The following LARS2 variants were observed in gnomAD, a reference collection of about 807,000 sequenced individuals.
The protein encoded by LARS2 is leucine--tRNA ligase, mitochondrial.
Under a neutral mutation model 116.6 loss-of-function variants are expected in LARS2, and 81 were observed. The observed-to-expected ratio is 0.69, with a 90% CI of 0.58 to 0.84. The LOEUF (loss-of-function observed/expected upper bound fraction) is 0.84, where lower values mean the gene tolerates loss of function less well. Among genes scored for constraint, LARS2 ranks in the 40% least tolerant of loss-of-function variants. The pLI is 0.00. For synonymous variants in LARS2, 396 were observed against 407.2 expected, an observed-to-expected ratio of 0.97 and a Z score of 0.33; for missense variants, 968 against 1,114.5, an observed-to-expected ratio of 0.87 and a Z score of 1.87.
chr3:45,508,176 A>G (rs1304135200), intron 15 of LARS2, among the ~76,000 whole-genome samples: 1 of 152,056 alleles, frequency 6.6e-6, no homozygotes, highest in Non-Finnish European at 1.5e-5. Context: ...TGGAATCAAC[A>G]GAAAGTGGTG....
chr3:45,447,454 C>T lies in LARS2; in HGVS notation c.606+474C>T, dbSNP rs142838440. On this transcript the variant is annotated intron_variant, in intron 7 of 21. Coordinates refer to ENST00000645846, the MANE Select transcript of LARS2 (RefSeq NM_015340.4). ...GGACCTTTAAGAAGTGAGTGGGTCA[C>T]GACAGCCCTGTCCTAATAAATGGAT... is the stretch of plus-strand genomic sequence containing the variant. 3.0e-3 allele frequency among the ~76,000 whole-genome samples: 451 copies of T among 152,240 alleles called. 1 individual carries two copies. Among genetic ancestry groups the T allele is most frequent in the African/African-American group, 0.01 (426 of 41,552 alleles).
intron 20 of LARS2, among the ~76,000 whole-genome samples, chr3:45,527,787 T>G (rs1316181480): frequency 6.6e-6 from 1 of 152,252 alleles, no homozygotes; most frequent in Non-Finnish European, 1.5e-5. Flanking sequence ...GACAAAATTA[T>G]GACATGGTCT....
intron 4 of LARS2, among the ~76,000 whole-genome samples, chr3:45,405,078 G>A (rs1033451167): frequency 6.6e-6 from 1 of 151,824 alleles, no homozygotes; most frequent in Non-Finnish European, 1.5e-5. Flanking sequence ...GGCAGGGAAG[G>A]TCTTTCTAAC....
chr3:45,541,749 G>A, intron 20 of LARS2, 80 bp from the exon 21 acceptor site: 1 of 1,547,052 alleles, frequency 6.5e-7, no homozygotes, highest in Non-Finnish European at 8.8e-7. Flanking sequence ...AGGCTGTGTT[G>A]GGATGGAAGC....
chr3:45,485,832 T>C lies in LARS2; in HGVS notation c.1123+36T>C, dbSNP rs750589529. 8 of 1,343,932 alleles carry C rather than the reference T, an allele frequency of 6.0e-6. No homozygotes were observed. The African/African-American group carries it at 8.6e-5, about 14-fold the overall frequency. 83.3% of individuals were successfully genotyped at this position (1,343,932 alleles called of 1,614,324 possible). A position where few individuals can be genotyped will look rare whatever the true frequency, so the allele number is the denominator to read the frequency against. ...ATTAAAATGTAACCACAACGGTATA[T>C]TTTGCAGATTTAGAATCAAAATACT... On this transcript the variant is annotated intron_variant, in intron 11 of 21. Coordinates refer to ENST00000645846, the MANE Select transcript of LARS2 (RefSeq NM_015340.4).
intron 15 of LARS2, among the ~76,000 whole-genome samples, chr3:45,508,238 G>A (rs1028332691): frequency 3.3e-5 from 5 of 152,178 alleles, no homozygotes; most frequent in African/African-American, 9.6e-5. Flanking sequence ...AGGGCAGGCC[G>A]CCTGCTGACC....
intron 18 of LARS2, among the ~76,000 whole-genome samples, chr3:45,519,380 A>G (rs916809513): frequency 1.3e-5 from 2 of 150,092 alleles, no homozygotes; most frequent in African/African-American, 4.9e-5. Flanking sequence ...AATCCCAGCT[A>G]CTCGGGAGGC....
At chr3:45,458,250 T>G (rs1418263784) in intron 7 of LARS2, among the ~76,000 whole-genome samples, 1 of 152,148 alleles carries the variant, frequency 6.6e-6, no homozygotes, top group Non-Finnish European at 1.5e-5. Context: ...CCAAGCCTAT[T>G]GTAATAAGAT....
intron 6 of LARS2, chr3:45,421,833 C>T (rs11719828): frequency 0.029 from 4,387 of 152,344 alleles, 96 homozygotes; most frequent in East Asian, 0.1. Flanking sequence ...CTTACATTAA[C>T]GTACAGTTGG....
At chr3:45,413,412 C>T (rs1424823635) in intron 4 of LARS2, among the ~76,000 whole-genome samples, 1 of 152,200 alleles carries the variant, frequency 6.6e-6, no homozygotes, top group Non-Finnish European at 1.5e-5. Flanking sequence ...TGCCGGGCAC[C>T]ATGCTAGATG....
chr3:45,481,574 G>T (rs1413802085), intron 10 of LARS2, among the ~76,000 whole-genome samples: 1 of 152,140 alleles, frequency 6.6e-6, no homozygotes, highest in Non-Finnish European at 1.5e-5. Context: ...CCTCAGTGTA[G>T]TTTTAATTTG....
chr3:45,541,606 C>G (rs1272575243), intron 20 of LARS2: 3 of 545,406 alleles, frequency 5.5e-6, no homozygotes, highest in South Asian at 2.6e-5. Flanking sequence ...ATCCATCCAT[C>G]TTTACAGCTC....
At chr3:45,404,858 A>G (rs1698207426) in intron 4 of LARS2, among the ~76,000 whole-genome samples, 2 of 152,166 alleles carry the variant, frequency 1.3e-5, no homozygotes, top group African/African-American at 4.8e-5. Context: ...AAGTGCTGGG[A>G]TTACAGGTGT....
intron 3 of LARS2, among the ~76,000 whole-genome samples, chr3:45,399,790 T>A (rs190753999): frequency 2.0e-5 from 3 of 152,110 alleles, no homozygotes; most frequent in Admixed American, 6.5e-5. Flanking sequence ...TTCACCCCCC[T>A]TTCCACCCTT....
intron 7 of LARS2, among the ~76,000 whole-genome samples, chr3:45,452,892 T>A (rs1699156158): frequency 6.6e-6 from 1 of 152,176 alleles, no homozygotes; most frequent in South Asian, 2.1e-4. Context: ...GGTTCGATCT[T>A]GCTAGGTTGT....
At chr3:45,401,058 A>G (rs531414157) in intron 4 of LARS2, among the ~76,000 whole-genome samples, 1 of 152,082 alleles carries the variant, frequency 6.6e-6, no homozygotes, top group Non-Finnish European at 1.5e-5. Flanking sequence ...TGATCCGCCC[A>G]CCTTGGCCTC....
chr3:45,422,368 T>C (rs773407553), intron 6 of LARS2: 8 of 152,210 alleles, frequency 5.3e-5, no homozygotes, highest in Non-Finnish European at 8.8e-5. Context: ...TCATTTGCCT[T>C]GCATTTTGTT....
At chr3:45,460,750 G>C (rs1179336440) in intron 8 of LARS2, among the ~76,000 whole-genome samples, 1 of 152,056 alleles carries the variant, frequency 6.6e-6, no homozygotes, top group African/African-American at 2.4e-5. Context: ...TGCAGTACTG[G>C]AAAACATTGG....
At chr3:45,441,048 C>T (rs6782793) in intron 6 of LARS2, among the ~76,000 whole-genome samples, 28,811 of 125,422 alleles carry the variant, frequency 0.23, 3,218 homozygotes, top group Middle Eastern at 0.39. Flanking sequence ...TTTTTTGAGA[C>T]GGAGTCTTGC....
Sources: allele counts gnomAD v4.1 joint callset (sites outside exome capture counted in the v4.1 genomes callset), GRCh38; gene constraint gnomAD v4.1.1; transcripts MANE v1.5; gene names NCBI Gene and HGNC (gene_info 2026-07-23, HGNC 2026-07-21).